C12orf42: variants seen among roughly 807,000 people sequenced by gnomAD.
The protein encoded by C12orf42 is uncharacterized protein C12orf42.
A neutral mutation model predicts 21.6 loss-of-function variants in C12orf42; 25 were observed. The observed-to-expected ratio is 1.16, with a 90% CI of 0.84 to 1.62. C12orf42 has a LOEUF of 1.62. Ranked by LOEUF, C12orf42 falls within the 40% of genes most tolerant of loss-of-function variation. C12orf42 has a pLI of 0.00. For synonymous variants in C12orf42, 174 were observed against 175.0 expected (o/e 0.99, Z 0.05); for missense variants, 483 against 459.3 (o/e 1.05, Z -0.47).
the C12orf42 span, among the ~76,000 whole-genome samples, chr12:103,188,208 A>C: frequency 6.6e-6 from 1 of 152,196 alleles, no homozygotes; most frequent in Admixed American, 6.5e-5. Flanking sequence ...GTTTTGGGAA[A>C]AGATAATGTT....
the C12orf42 span, among the ~76,000 whole-genome samples, chr12:103,182,714 C>T: frequency 6.6e-6 from 1 of 151,948 alleles, no homozygotes; most frequent in South Asian, 2.1e-4. Flanking sequence ...AGAAATAATA[C>T]AAAAAAACAC....
chr12:103,061,276 A>C, the C12orf42 span, among the ~76,000 whole-genome samples: 1 of 152,198 alleles, frequency 6.6e-6, no homozygotes, highest in African/African-American at 2.4e-5. Context: ...GTCTTCTTCG[A>C]CATTTCCCAT....
In C12orf42 at chr12:103,417,374, C is replaced by G. The variant is rs118104994; in HGVS notation, c.79-15699G>C. On this transcript the variant is annotated intron_variant, in intron 2 of 5. Transcript: ENST00000548883. ...ATCTTCCTAAAGAATAGTTAAACTT[C>G]ATGTTATTTTCCCTGCTCGTAAATC... 7.3e-3 allele frequency among the ~76,000 whole-genome samples: 1,116 copies of G among 152,286 alleles called. 7 individuals carry two copies. The highest frequency in any genetic ancestry group is 0.012 in the Non-Finnish European group (849 of 68,020).
At chr12:103,409,424 T>C (rs1355372968) in intron 2 of C12orf42, among the ~76,000 whole-genome samples, 3 of 152,196 alleles carry the variant, frequency 2.0e-5, no homozygotes, top group African/African-American at 7.2e-5. Flanking sequence ...TGCTTTAATT[T>C]AATAGCAATC....
intron 2 of C12orf42, among the ~76,000 whole-genome samples, chr12:103,435,197 G>A (rs1047054612): frequency 2.0e-5 from 3 of 152,086 alleles, no homozygotes; most frequent in African/African-American, 4.8e-5. Flanking sequence ...GGTCCTGTCT[G>A]TTAGAAGGAA....
At chr12:103,180,746 A>G in the C12orf42 span, among the ~76,000 whole-genome samples, 2,910 of 142,482 alleles carry the variant, frequency 0.02, 33 homozygotes, top group East Asian at 0.027. Flanking sequence ...CTCCTGCCTC[A>G]GTCTCCCGAG....
At chr12:103,511,194 A>G in the C12orf42 span, among the ~76,000 whole-genome samples, 1 of 152,232 alleles carries the variant, frequency 6.6e-6, no homozygotes, top group African/African-American at 2.4e-5. Context: ...TATACATTAC[A>G]TACACACAGC....
At chr12:103,507,135 TTA>T in the C12orf42 span, among the ~76,000 whole-genome samples, 26 of 17,670 alleles carry the variant, frequency 1.5e-3, 3 homozygotes, top group East Asian at 0.014. Flanking sequence ...ATAATATATA[TTA>T]TATATATAAT....
the C12orf42 span, among the ~76,000 whole-genome samples, chr12:103,197,323 A>T: frequency 6.6e-6 from 1 of 152,116 alleles, no homozygotes; most frequent in Non-Finnish European, 1.5e-5. Flanking sequence ...GGGATCTGAG[A>T]TTCTTTCCTC....
the C12orf42 span, among the ~76,000 whole-genome samples, chr12:103,516,632 C>G: frequency 3.3e-5 from 5 of 152,172 alleles, no homozygotes; most frequent in Non-Finnish European, 7.3e-5. Context: ...TGAGAGCTCA[C>G]TCACTATCAT....
chr12:103,054,410 G>T, the C12orf42 span, among the ~76,000 whole-genome samples: 1 of 151,750 alleles, frequency 6.6e-6, no homozygotes, highest in Admixed American at 6.6e-5. Context: ...GAATACTATT[G>T]ATAATTTAAT....
At chr12:103,150,796 G>A in the C12orf42 span, among the ~76,000 whole-genome samples, 5 of 152,136 alleles carry the variant, frequency 3.3e-5, no homozygotes, top group African/African-American at 7.2e-5. Context: ...AGCAATTCCC[G>A]ACTATATCTG....
the C12orf42 span, among the ~76,000 whole-genome samples, chr12:103,114,458 C>G: frequency 1.3e-5 from 2 of 152,160 alleles, no homozygotes; most frequent in Non-Finnish European, 2.9e-5. Flanking sequence ...TGCAAGTTCT[C>G]AGGCTCCACT....
intron 4 of C12orf42, among the ~76,000 whole-genome samples, chr12:103,311,646 G>T (rs1488422028): frequency 6.6e-6 from 1 of 152,096 alleles, no homozygotes; most frequent in African/African-American, 2.4e-5. Flanking sequence ...ATTCTAGATA[G>T]TGACAGAACT....
chr12:103,123,610 A>AT, the C12orf42 span, among the ~76,000 whole-genome samples: 6 of 152,192 alleles, frequency 3.9e-5, no homozygotes, highest in Non-Finnish European at 7.3e-5. Context: ...TATGGTAGCC[A>AT]TTAGCCACCT....
chr12:103,063,637 G>T, the C12orf42 span, among the ~76,000 whole-genome samples: 1 of 152,122 alleles, frequency 6.6e-6, no homozygotes. Context: ...TGAGGCAGTT[G>T]CCAGGCAAGA....
the C12orf42 span, chr12:103,155,390 G>A: frequency 6.6e-6 from 1 of 152,002 alleles, no homozygotes; most frequent in Non-Finnish European, 1.5e-5. Context: ...TTGTCAATTT[G>A]GGCCCTCCAA....
the C12orf42 span, among the ~76,000 whole-genome samples, chr12:103,173,758 A>T: frequency 6.6e-6 from 1 of 152,200 alleles, no homozygotes; most frequent in Admixed American, 6.6e-5. Context: ...TCTCCTGATT[A>T]ATCGTGTGGT....
chr12:103,174,607 C>T, the C12orf42 span, among the ~76,000 whole-genome samples: 24 of 147,280 alleles, frequency 1.6e-4, no homozygotes, highest in South Asian at 6.5e-4. Flanking sequence ...CGCCAACCAA[C>T]GTTCCCTCTG....
Sources: allele counts gnomAD v4.1 joint callset (sites outside exome capture counted in the v4.1 genomes callset), GRCh38; gene constraint gnomAD v4.1.1; transcripts MANE v1.5; gene names NCBI Gene and HGNC (gene_info 2026-07-23, HGNC 2026-07-21).